The following SRP54 variants were observed in gnomAD, a reference collection of about 807,000 sequenced individuals.
SRP54 encodes signal recognition particle subunit SRP54.
In SRP54, 10 loss-of-function variants were observed where a neutral mutation model predicts 64.8. The ratio of observed to expected loss-of-function variants is 0.15; its 90% CI spans 0.10 to 0.26. The LOEUF is 0.26. SRP54 is among the 10% of genes least tolerant of loss of function. The pLI, the probability that SRP54 is intolerant of heterozygous loss-of-function variation, is 1.00. For synonymous variants in SRP54, 193 were observed against 185.6 expected (o/e 1.04, Z -0.32); for missense variants, 325 against 613.7 (o/e 0.53, Z 4.97).
At position 35,029,137 on chromosome 14, in the gene SRP54, A is replaced by G. The variant is rs1595021609; in HGVS notation, c.1500A>G (p.Gly500=). The change falls in exon 16 of 16, where the codon GGA becomes GGG. Residue 500 remains glycine, a synonymous_variant. Coordinates refer to ENST00000216774, the MANE Select transcript of SRP54 (RefSeq NM_003136.4). ...CTGGCAACATGAAAGGCATGATGGGATTCAATAATATGTAAAGAAAATGCC... is the reference window on the plus strand; with the variant it reads ...CTGGCAACATGAAAGGCATGATGGGGTTCAATAATATGTAAAGAAAATGCC... ...GAAGNMKGMM[G]FNNM 1.9e-6 allele frequency: 3 copies of G among 1,613,758 alleles called. No individual in the cohort carries two copies. The highest frequency in any genetic ancestry group is 2.5e-6 in the Non-Finnish European group (3 of 1,179,848).
intron 10 of SRP54, among the ~76,000 whole-genome samples, chr14:35,014,302 AG>A (rs1390005885): frequency 1.1e-5 from 1 of 90,338 alleles, no homozygotes; most frequent in Admixed American, 1.4e-4. Context: ...TTTGAGACGG[AG>A]TTTCGCTCTT....
At chr14:35,028,418 T>G (rs1595020841) in intron 15 of SRP54, among the ~76,000 whole-genome samples, 1 of 152,170 alleles carries the variant, frequency 6.6e-6, no homozygotes, top group East Asian at 1.9e-4. Flanking sequence ...TTAATCATCT[T>G]TTGTTTGTTC....
rs772924930 is a variant in SRP54, at chr14:35,013,912, G to C, written c.886+10G>C. 1 of 1,570,134 alleles carries C rather than the reference G, an allele frequency of 6.4e-7. No individual in the cohort carries two copies. Among genetic ancestry groups the C allele is most frequent in the East Asian group, 2.2e-5 (1 of 44,656 alleles). ...ATTAGCAAACTTCTTGGTATGTACA[G>C]TGGTGGGGATATAGAAAAATCTCCA... On this transcript the variant is annotated intron_variant, in intron 10 of 15. Transcript: ENST00000216774.
chr14:35,019,156 A>G, intron 13 of SRP54, 82 bp downstream of exon 13: 2 of 930,184 alleles, frequency 2.2e-6, no homozygotes, highest in Non-Finnish European at 3.3e-6. Context: ...CTTGTGGACA[A>G]GATGGGGAGA....
intron 4 of SRP54, 35 bp from the exon 5 acceptor site, chr14:35,007,248 C>A: frequency 1.4e-6 from 2 of 1,452,186 alleles, no homozygotes; most frequent in South Asian, 1.3e-5. Context: ...TGTATGTTAA[C>A]CTGATTTTAT....
intron 5 of SRP54, among the ~76,000 whole-genome samples, chr14:35,008,293 G>A (rs6571692): frequency 0.37 from 55,812 of 151,716 alleles, 10,874 homozygotes; most frequent in East Asian, 0.69. Context: ...CAAGCTTCAC[G>A]TATGTTACAG....
chr14:35,003,038 G>T (rs1416713339), intron 4 of SRP54, among the ~76,000 whole-genome samples: 2 of 152,062 alleles, frequency 1.3e-5, no homozygotes, highest in East Asian at 1.9e-4. Flanking sequence ...CAGCCACTTT[G>T]CCTGGCCAGA....
chr14:35,013,409 A>C lies in SRP54; in HGVS notation c.700A>C (p.Lys234Gln). 7 of 1,614,158 alleles carry C rather than the reference A, an allele frequency of 4.3e-6. No individual in the cohort carries two copies. The highest frequency in any genetic ancestry group is 5.9e-6 in the Non-Finnish European group (7 of 1,179,984). ...TGGGCAGGCTTGTGAAGCCCAGGCTAAGGCTTTTAAAGATAAAGTAGATGT... is the reference window on the plus strand; with the variant it reads ...TGGGCAGGCTTGTGAAGCCCAGGCTCAGGCTTTTAAAGATAAAGTAGATGT... ...SIGQACEAQA[K>Q]AFKDKVDVAS... The change falls in exon 9 of 16, where the codon AAG (lysine) becomes CAG (glutamine). Residue 234 changes from lysine (K) to glutamine (Q), a missense_variant. This residue lies in a region of SRP54 where 146 missense variants were observed against 337.4 expected (regional missense o/e 0.43). Transcript: ENST00000216774.
intron 3 of SRP54, chr14:34,999,959 G>C (rs1196312389): frequency 5.8e-6 from 1 of 173,898 alleles, no homozygotes; most frequent in Non-Finnish European, 1.2e-5. Flanking sequence ...AACAATTCAG[G>C]CTCTTCATAG....
chr14:35,014,373 G>T (rs1595005401), intron 10 of SRP54, among the ~76,000 whole-genome samples: 1 of 150,924 alleles, frequency 6.6e-6, no homozygotes, highest in African/African-American at 2.4e-5. Context: ...AGCCTCCCGG[G>T]TTCAAGCGAT....
intron 10 of SRP54, among the ~76,000 whole-genome samples, chr14:35,014,469 G>A (rs973395868): frequency 6.6e-6 from 1 of 151,620 alleles, no homozygotes; most frequent in East Asian, 1.9e-4. Context: ...TAGTAGAGAC[G>A]GGGTTTCACC....
intron 14 of SRP54, 46 bp downstream of exon 14, chr14:35,023,126 G>A (rs766201281): frequency 2.0e-6 from 3 of 1,481,072 alleles, no homozygotes; most frequent in Admixed American, 2.1e-5. Context: ...GAAAAGAAAG[G>A]AAGTTGAGAA....
chr14:35,013,559 GC>G, intron 9 of SRP54, 65 bp downstream of exon 9: 1 of 1,492,998 alleles, frequency 6.7e-7, no homozygotes, highest in East Asian at 2.3e-5. Flanking sequence ...TGTGTTTATA[GC>G]TTTCATATTG....
chr14:35,004,059 A>T (rs1355091326), intron 4 of SRP54, among the ~76,000 whole-genome samples: 1 of 152,062 alleles, frequency 6.6e-6, no homozygotes, highest in Non-Finnish European at 1.5e-5. Flanking sequence ...AGCCTGACCA[A>T]CATGGTGAAA....
At chr14:35,027,066 G>C (rs1459467264) in intron 14 of SRP54, among the ~76,000 whole-genome samples, 2 of 128,726 alleles carry the variant, frequency 1.6e-5, no homozygotes, top group Non-Finnish European at 3.2e-5. Flanking sequence ...GTCTTGCTCT[G>C]TCGCCCAGGC....
chr14:34,983,214 C>A lies in SRP54; in HGVS notation c.-35C>A, dbSNP rs1455849067. The A allele has an allele frequency of 6.6e-6, 1 of 152,252 alleles. No individual in the cohort carries two copies. The highest frequency in any genetic ancestry group is 1.9e-4 in the East Asian group (1 of 5,200). 9.4% of individuals were successfully genotyped at this position (152,252 alleles called of 1,614,324 possible). Reference sequence around the variant, plus strand: ...GCCACGGCTTTAGCGGTGTCTTTTGCGGTAAGTGTCTGCTTTTTCCCGCCC... The same window carrying A: ...GCCACGGCTTTAGCGGTGTCTTTTGAGGTAAGTGTCTGCTTTTTCCCGCCC... On this transcript the variant is annotated splice_region_variant and 5_prime_UTR_variant, in exon 1 of 16. Transcript: ENST00000216774.
chr14:34,991,258 T>C (rs1172891372), intron 1 of SRP54, among the ~76,000 whole-genome samples: 1 of 151,744 alleles, frequency 6.6e-6, no homozygotes, highest in African/African-American at 2.4e-5. Context: ...GCCTTCTGAG[T>C]ACCTGGGATT....
rs774086068 is a variant in SRP54, at chr14:35,000,941, C to T, written c.176C>T (p.Ala59Val). Residue 59 changes from alanine (A) to valine (V), a missense_variant, in exon 4 of 16, where the codon GCT (alanine) becomes GTT (valine). By Grantham distance (64) the Ala-to-Val change is moderately conservative (BLOSUM62 0). Around this residue, in one of 3 missense-constraint regions of SRP54, gnomAD observed 156 missense variants for 254.6 expected, o/e 0.61. Coordinates refer to ENST00000216774, the MANE Select transcript of SRP54 (RefSeq NM_003136.4). ...CACCAACCACCATCATAAAGGTCTG[C>T]TATTGATCTTGAAGAGATGGCATCT... ...VKQLRENVKS[A>V]IDLEEMASGL... The T allele has an allele frequency of 1.3e-6, 2 of 1,578,074 alleles. No homozygotes were observed. The highest frequency in any genetic ancestry group is 8.6e-7 in the Non-Finnish European group (1 of 1,163,538).
At chr14:35,004,842 G>T (rs1221823568) in intron 4 of SRP54, among the ~76,000 whole-genome samples, 1 of 152,144 alleles carries the variant, frequency 6.6e-6, no homozygotes, top group Non-Finnish European at 1.5e-5. Context: ...TTGCCTAAGG[G>T]TAGGTTGATG....
Sources: gnomAD v4.1 joint callset for allele counts (sites outside exome capture counted in the v4.1 genomes callset) on GRCh38, gnomAD v4.1.1 for gene constraint, gnomAD v4.1.1 regional missense constraint, MANE v1.5 for transcripts, NCBI Gene and HGNC (gene_info 2026-07-23, HGNC 2026-07-21) for gene names.